OCA2: variants seen among roughly 807,000 people sequenced by gnomAD.
OCA2 encodes P protein.
Under a neutral mutation model 100.2 loss-of-function variants are expected in OCA2, and 77 were observed. The observed-to-expected ratio is 0.77, with a 90% confidence interval of 0.64 to 0.93. The LOEUF is 0.93. Among genes scored for constraint, OCA2 ranks in the 40% least tolerant of loss-of-function variants. The probability of loss-of-function intolerance (pLI) is 0.00; values close to 1 mark genes in which losing one functional copy is unlikely to be tolerated. For synonymous variants in OCA2, 432 were observed against 439.2 expected (o/e 0.98, Z 0.21); for missense variants, 1,062 against 1,089.1 (o/e 0.98, Z 0.35).
rs1159770509 is a variant in OCA2, at chr15:27,845,705, G to A, written c.2339-653C>T. ...GGAAGGCCCAGGAGCCTCCTCCGTCGCTCCCAGCCATCGTGGTCAGTGTTC... is the reference window on the plus strand; with the variant it reads ...GGAAGGCCCAGGAGCCTCCTCCGTCACTCCCAGCCATCGTGGTCAGTGTTC... On this transcript the variant is annotated intron_variant, in intron 22 of 23. Transcript: ENST00000354638. Among the ~76,000 whole-genome samples the A allele has an allele frequency of 4.6e-5, 7 of 152,230 alleles. No homozygotes were observed. The East Asian group carries it at 5.8e-4, about 13-fold the overall frequency.
chr15:27,855,166 C>G (rs899977093), intron 21 of OCA2, among the ~76,000 whole-genome samples: 3 of 152,196 alleles, frequency 2.0e-5, no homozygotes, highest in Non-Finnish European at 4.4e-5. Context: ...AGGGTCTCCC[C>G]GCAACTCTGT....
At chr15:27,899,499 A>G (rs546430027) in intron 19 of OCA2, among the ~76,000 whole-genome samples, 8 of 152,350 alleles carry the variant, frequency 5.3e-5, no homozygotes, top group African/African-American at 1.9e-4. Context: ...TGTTAGAAAC[A>G]TTTTACAAAT....
chr15:27,870,221 T>C (rs777267004), intron 21 of OCA2, among the ~76,000 whole-genome samples: 21 of 152,174 alleles, frequency 1.4e-4, no homozygotes, highest in Non-Finnish European at 2.8e-4. Flanking sequence ...TTGCATGGGA[T>C]GTTCCCTGCG....
intron 23 of OCA2, among the ~76,000 whole-genome samples, chr15:27,781,329 GT>G (rs1170910265): frequency 6.6e-6 from 1 of 152,228 alleles, no homozygotes; most frequent in African/African-American, 2.4e-5. Context: ...TGGAAGGGAT[GT>G]TTAAATCATT....
chr15:27,735,768 GCCAA>G, the OCA2 span, among the ~76,000 whole-genome samples: 1 of 152,084 alleles, frequency 6.6e-6, no homozygotes, highest in South Asian at 2.1e-4. Context: ...CAAAAAACCT[GCCAA>G]CCAAGAATCT....
chr15:27,945,956 A>G (rs1046873397), intron 18 of OCA2, among the ~76,000 whole-genome samples: 11 of 152,178 alleles, frequency 7.2e-5, no homozygotes, highest in Admixed American at 2.0e-4. Context: ...ATTTCAGAAA[A>G]GCAAACTTTT....
At chr15:28,036,374 A>C (rs977146316) in intron 2 of OCA2, among the ~76,000 whole-genome samples, 1 of 152,102 alleles carries the variant, frequency 6.6e-6, no homozygotes, top group Non-Finnish European at 1.5e-5. Context: ...GCCTGTCCCC[A>C]TTACTCCCTG....
chr15:27,813,419 T>TAC (rs370741465), intron 23 of OCA2, among the ~76,000 whole-genome samples: 14 of 150,882 alleles, frequency 9.3e-5, no homozygotes, highest in East Asian at 7.8e-4. Context: ...CATTCACACA[T>TAC]ACACACACAC....
At chr15:27,783,711 C>T (rs1019611306) in intron 23 of OCA2, among the ~76,000 whole-genome samples, 1 of 152,244 alleles carries the variant, frequency 6.6e-6, no homozygotes, top group Admixed American at 6.5e-5. Context: ...GAAGAATTTA[C>T]ACTCCCTTGT....
chr15:28,091,654 C>A (rs1347835960), intron 1 of OCA2, among the ~76,000 whole-genome samples: 2 of 152,110 alleles, frequency 1.3e-5, no homozygotes, highest in East Asian at 1.9e-4. Flanking sequence ...GTCATAATAC[C>A]CTAAAAGTGG....
intron 23 of OCA2, among the ~76,000 whole-genome samples, chr15:27,828,424 G>A (rs1009831461): frequency 1.3e-5 from 2 of 152,170 alleles, no homozygotes; most frequent in Admixed American, 1.3e-4. Flanking sequence ...TCAAAAAGCA[G>A]CTGCCCTGGG....
At chr15:27,901,154 G>A (rs1165242040) in intron 19 of OCA2, among the ~76,000 whole-genome samples, 1 of 152,220 alleles carries the variant, frequency 6.6e-6, no homozygotes, top group Non-Finnish European at 1.5e-5. Flanking sequence ...GTAGCTGATG[G>A]GATATTGTAC....
chr15:27,989,554 G>T (rs371868395), intron 11 of OCA2, 47 bp downstream of exon 11: 1 of 1,532,900 alleles, frequency 6.5e-7, no homozygotes, highest in African/African-American at 1.4e-5. Flanking sequence ...AGAAGGCCCG[G>T]TTACCGCAGG....
At chr15:28,003,629 G>A (rs954724871) in intron 9 of OCA2, among the ~76,000 whole-genome samples, 10 of 152,220 alleles carry the variant, frequency 6.6e-5, no homozygotes, top group African/African-American at 1.9e-4. Context: ...GTGGTGCAGC[G>A]CGTGAGCCGT....
intron 23 of OCA2, among the ~76,000 whole-genome samples, chr15:27,815,984 A>G (rs995886581): frequency 6.6e-6 from 1 of 152,174 alleles, no homozygotes; most frequent in Non-Finnish European, 1.5e-5. Flanking sequence ...ATACAAAAAA[A>G]TTAGCCAGGC....
Position 27,907,232 on chromosome 15 carries a change from G to T in OCA2, c.2079+18895C>A, listed in dbSNP as rs187837880. ...TGCAACCAAGCTAGAAAATTACTAA[G>T]AAAAACAAAAAACAGAAAGGTCCTT... On this transcript the variant is annotated intron_variant, in intron 19 of 23. Coordinates refer to ENST00000354638, the MANE Select transcript of OCA2 (RefSeq NM_000275.3). Among the ~76,000 whole-genome samples, 210 of 151,866 alleles carry T rather than the reference G, an allele frequency of 1.4e-3. 2 individuals carry two copies. The highest frequency in any genetic ancestry group is 4.7e-3 in the African/African-American group (194 of 41,500).
chr15:27,811,642 T>C (rs1225524912), intron 23 of OCA2, among the ~76,000 whole-genome samples: 1 of 152,230 alleles, frequency 6.6e-6, no homozygotes, highest in Non-Finnish European at 1.5e-5. Context: ...TTTCAGAGTG[T>C]GATAAAGGCT....
intron 1 of OCA2, among the ~76,000 whole-genome samples, chr15:28,084,863 C>T (rs1002515974): frequency 1.3e-5 from 2 of 152,252 alleles, no homozygotes; most frequent in African/African-American, 4.8e-5. Flanking sequence ...CTTGCCTTTT[C>T]AGGCAACAAG....
intron 7 of OCA2, among the ~76,000 whole-genome samples, chr15:28,017,176 G>T (rs1476201286): frequency 9.2e-5 from 14 of 152,194 alleles, no homozygotes; most frequent in Admixed American, 9.2e-4. Flanking sequence ...ACACGCATGA[G>T]AGAACAGAAG....
Sources: allele counts gnomAD v4.1 joint callset (sites outside exome capture counted in the v4.1 genomes callset), GRCh38; gene constraint gnomAD v4.1.1; transcripts MANE v1.5; gene names NCBI Gene and HGNC (gene_info 2026-07-23, HGNC 2026-07-21).